The following CCDC88C variants were observed in gnomAD, a reference collection of about 807,000 sequenced individuals.
CCDC88C encodes the protein protein Daple.
A neutral mutation model predicts 198.8 loss-of-function variants in CCDC88C; 131 were observed. That is an observed-to-expected ratio of 0.66 (90% CI 0.57 to 0.76). CCDC88C has a LOEUF of 0.76. Among genes scored for constraint, CCDC88C ranks in the 30% least tolerant of loss-of-function variants. CCDC88C has a pLI of 0.00. For synonymous variants in CCDC88C, 1,166 were observed against 1,114.7 expected, an observed-to-expected ratio of 1.05 and a Z score of -0.92; for missense variants, 2,553 against 2,631.6, an observed-to-expected ratio of 0.97 and a Z score of 0.65.
At position 91,273,027 on chromosome 14, in the gene CCDC88C, C is replaced by A; in HGVS notation, c.5685G>T (p.Arg1895Ser). ...RFSLAPPKEE[R>S]LAPLHQSATA... ...TGGCAGACTGATGCAGGGGGGCCAG[C>A]CTCTCCTCCTTTGGGGGAGCCAGGG... The change falls in exon 30 of 30, where the codon AGG becomes AGT. Residue 1895 changes from arginine to serine, a missense_variant. Coordinates refer to ENST00000389857, the MANE Select transcript of CCDC88C (RefSeq NM_001080414.4). This position sits in a 1 kb window ranked among gnomAD's most constrained non-coding sequence, Gnocchi z 5.6. 3 of 1,554,524 alleles carry A rather than the reference C, an allele frequency of 1.9e-6. No homozygotes were observed. Among genetic ancestry groups the A allele is most frequent in the Admixed American group, 1.9e-5 (1 of 52,836 alleles).
intron 29 of CCDC88C, among the ~76,000 whole-genome samples, chr14:91,276,580 C>T (rs7153397): frequency 0.66 from 100,087 of 152,168 alleles, 33,125 homozygotes; most frequent in Non-Finnish European, 0.7. Context: ...CAATAAATAT[C>T]TACCAAACAC....
intron 4 of CCDC88C, among the ~76,000 whole-genome samples, chr14:91,348,456 C>A (rs888505219): frequency 6.6e-6 from 1 of 151,720 alleles, no homozygotes; most frequent in Non-Finnish European, 1.5e-5. Flanking sequence ...GTAGCCTGGG[C>A]GACAGAGCAA....
chr14:91,309,798 C>A, intron 16 of CCDC88C, 61 bp downstream of exon 16: 1 of 1,551,782 alleles, frequency 6.4e-7, no homozygotes, highest in South Asian at 1.2e-5. Flanking sequence ...GGTGAGGAGC[C>A]TGCAGACTGA....
Position 91,273,702 on chromosome 14 carries a change from G to C in CCDC88C, c.5059-49C>G. On this transcript the variant is annotated intron_variant, in intron 29 of 29. Transcript: ENST00000389857. The surrounding 1 kb of genome is among the most constrained non-coding windows in gnomAD (Gnocchi z 5.6). ...GGAGGTGGGCATGAGGGTTGGGTGGGTCCTTGGAGCCGCCTCCTGCGCGGG... is the reference window on the plus strand; with the variant it reads ...GGAGGTGGGCATGAGGGTTGGGTGGCTCCTTGGAGCCGCCTCCTGCGCGGG... 2 of 1,392,664 alleles carry C rather than the reference G, an allele frequency of 1.4e-6. No individual in the cohort carries two copies. The highest frequency in any genetic ancestry group is 1.9e-6 in the Non-Finnish European group (2 of 1,063,014). The allele number at this position is 1,392,664 out of a possible 1,614,324, so 86.3% of individuals were successfully genotyped here.
chr14:91,298,473 G>A (rs1208562458), intron 21 of CCDC88C, among the ~76,000 whole-genome samples: 2 of 151,254 alleles, frequency 1.3e-5, no homozygotes, highest in Non-Finnish European at 2.9e-5. Flanking sequence ...AGTTAAGGCT[G>A]CAGTGAGCCA....
At chr14:91,410,552 T>G (rs1202149604) in intron 2 of CCDC88C, among the ~76,000 whole-genome samples, 1 of 152,214 alleles carries the variant, frequency 6.6e-6, no homozygotes, top group Admixed American at 6.5e-5. Flanking sequence ...GAGTCATGCA[T>G]AACTGAGAAA....
At chr14:91,360,246 C>G (rs1467743273) in intron 3 of CCDC88C, among the ~76,000 whole-genome samples, 1 of 91,140 alleles carries the variant, frequency 1.1e-5, no homozygotes, top group Non-Finnish European at 2.3e-5. Flanking sequence ...TAGCAAGACC[C>G]CATCTTCACA....
At position 91,338,789 on chromosome 14, in the gene CCDC88C, C is replaced by T. The variant is rs898451552; in HGVS notation, c.810-219G>A. 9 of 553,832 alleles carry T rather than the reference C, an allele frequency of 1.6e-5. No homozygotes were observed. The highest frequency in any genetic ancestry group is 2.9e-5 in the Non-Finnish European group (9 of 307,900). 34.3% of individuals were successfully genotyped at this position (553,832 alleles called of 1,614,324 possible). ...CACCGGCCCTTAAACTATGTCCATC[C>T]GCCACTCAGGTCTCCCTCCCTGTGT... On this transcript the variant is annotated intron_variant, in intron 8 of 29. Transcript: ENST00000389857. The surrounding 1 kb of genome is among the most constrained non-coding windows in gnomAD (Gnocchi z 4.8).
intron 3 of CCDC88C, chr14:91,379,904 G>C (rs1306816983): frequency 1.4e-6 from 1 of 703,046 alleles, no homozygotes; most frequent in Non-Finnish European, 2.6e-6. Flanking sequence ...AGGATGAGAA[G>C]ATTTTACTAA....
rs1344423369 is a variant in CCDC88C, at chr14:91,324,839, C to T, written c.1282G>A (p.Glu428Lys). The T allele has an allele frequency of 3.1e-6, 5 of 1,613,686 alleles. 1 individual carries two copies. The South Asian group carries it at 3.3e-5, about 11-fold the overall frequency. Residue 428 changes from glutamate (E) to lysine (K), a missense_variant, in exon 12 of 30, where the codon GAA (glutamate) becomes AAA (lysine). Physicochemically the swap from Glu to Lys is moderately conservative, Grantham distance 56. Transcript: ENST00000389857. ...AGCTCCCAGCCAAGGTGGGCAGATTCGTTCATGCTCTGCTTCTGTGCAATC... is the reference window on the plus strand; with the variant it reads ...AGCTCCCAGCCAAGGTGGGCAGATTTGTTCATGCTCTGCTTCTGTGCAATC... The part of the protein sequence containing the change: ...LEIAQKQSMN[E>K]SAHLGWELEQ...
intron 2 of CCDC88C, among the ~76,000 whole-genome samples, chr14:91,416,040 G>A (rs1047942651): frequency 1.3e-5 from 2 of 152,172 alleles, no homozygotes; most frequent in Non-Finnish European, 2.9e-5. Context: ...AGAATGCAAA[G>A]GTAGAAGCCA....
In CCDC88C at chr14:91,300,020, A is replaced by T. The variant is rs1027087042; in HGVS notation, c.3686T>A (p.Val1229Asp). The stretch of plus-strand genomic sequence containing the variant: ...CAGCGCCTCTCGCTCAGTGGTCAAG[A>T]CCTTCTCCCGCTCCTCCAGCTCCGC... Reference protein sequence around the residue: ...RKAELEEREKVLTTEREALQQ... With the variant: ...RKAELEEREKDLTTEREALQQ... Residue 1229 changes from valine (V) to aspartate (D), a missense_variant, in exon 21 of 30, where the codon GTC (valine) becomes GAC (aspartate). Coordinates refer to ENST00000389857, the MANE Select transcript of CCDC88C (RefSeq NM_001080414.4). 2 of 1,604,482 alleles carry T rather than the reference A, an allele frequency of 1.2e-6. No individual in the cohort carries two copies. Among genetic ancestry groups the T allele is most frequent in the Admixed American group, 1.7e-5 (1 of 58,832 alleles).
At chr14:91,374,840 A>G (rs1465356176) in intron 3 of CCDC88C, among the ~76,000 whole-genome samples, 1 of 152,152 alleles carries the variant, frequency 6.6e-6, no homozygotes, top group Non-Finnish European at 1.5e-5. Flanking sequence ...GGTAGTGGTT[A>G]CCTAGAGTTC....
intron 3 of CCDC88C, among the ~76,000 whole-genome samples, chr14:91,386,763 T>C (rs1294922394): frequency 6.6e-6 from 1 of 152,208 alleles, no homozygotes; most frequent in Non-Finnish European, 1.5e-5. Context: ...GCCAGCACAC[T>C]TTCTCCTCAC....
Position 91,272,979 on chromosome 14 carries a change from T to C in CCDC88C, c.5733A>G (p.Ala1911=). ...TGCCAGCAGCAGCAGCACCAGCACCTGCAGTGGCAATGGCGGGGGCTGTGG... is the reference window on the plus strand; with the variant it reads ...TGCCAGCAGCAGCAGCACCAGCACCCGCAGTGGCAATGGCGGGGGCTGTGG... ...QSATAPAIAT[A]GAGAAAAGSG... Residue 1911 remains alanine, a synonymous_variant, in exon 30 of 30, where the codon GCA becomes GCG. Coordinates refer to ENST00000389857, the MANE Select transcript of CCDC88C (RefSeq NM_001080414.4). 1 of 1,557,260 alleles carries C rather than the reference T, an allele frequency of 6.4e-7. No homozygotes were observed. Among genetic ancestry groups the C allele is most frequent in the Non-Finnish European group, 8.6e-7 (1 of 1,156,936 alleles).
chr14:91,361,632 C>T (rs1461133143), intron 3 of CCDC88C, among the ~76,000 whole-genome samples: 1 of 152,196 alleles, frequency 6.6e-6, no homozygotes, highest in African/African-American at 2.4e-5. Flanking sequence ...GGTCACATGT[C>T]ACCGTGTCAG....
At chr14:91,300,206 G>T in intron 20 of CCDC88C, 136 bp from the exon 21 acceptor site, 2 of 1,308,190 alleles carry the variant, frequency 1.5e-6, no homozygotes, top group Non-Finnish European at 2.1e-6. Flanking sequence ...GAAGTGAGGG[G>T]CATGGGGCAG....
At chr14:91,355,102 T>G (rs969271598) in intron 4 of CCDC88C, among the ~76,000 whole-genome samples, 1 of 152,124 alleles carries the variant, frequency 6.6e-6, no homozygotes, top group Non-Finnish European at 1.5e-5. Context: ...CTGCTCGGGC[T>G]GCCATGCTGG....
At chr14:91,411,078 G>A (rs576599484) in intron 2 of CCDC88C, among the ~76,000 whole-genome samples, 23 of 152,300 alleles carry the variant, frequency 1.5e-4, no homozygotes, top group African/African-American at 5.5e-4. Context: ...TTTACTGTAT[G>A]AGTAATTAAG....
Sources: allele counts gnomAD v4.1 joint callset (sites outside exome capture counted in the v4.1 genomes callset), GRCh38; gene constraint gnomAD v4.1.1; non-coding constraint Gnocchi (gnomAD v3.1); transcripts MANE v1.5; gene names NCBI Gene and HGNC (gene_info 2026-07-23, HGNC 2026-07-21).